MAGI2: variants seen among roughly 807,000 people sequenced by gnomAD.
MAGI2 encodes membrane-associated guanylate kinase, WW and PDZ domain-containing protein 2.
In MAGI2, 35 loss-of-function variants were observed where a neutral mutation model predicts 133.3. That is an observed-to-expected ratio of 0.26 (90% CI 0.20 to 0.35). The LOEUF (loss-of-function observed/expected upper bound fraction) is 0.35, where lower values mean the gene tolerates loss of function less well. MAGI2 is among the 10% of genes least tolerant of loss of function. MAGI2 has a pLI of 1.00. For missense variants in MAGI2, 1,636 were observed against 1,863.4 expected (o/e 0.88, Z 2.25); for synonymous variants, 729 against 710.6 (o/e 1.03, Z -0.41).
chr7:78,046,233 T>TAAAAAA (rs59275049), intron 21 of MAGI2, among the ~76,000 whole-genome samples: 1 of 117,780 alleles, frequency 8.5e-6, no homozygotes. Context: ...CTGTCTCTAC[T>TAAAAAA]AAAAAAAAAA....
intron 2 of MAGI2, among the ~76,000 whole-genome samples, chr7:78,924,585 G>C (rs570257264): frequency 1.3e-5 from 2 of 152,098 alleles, no homozygotes; most frequent in Non-Finnish European, 1.5e-5. Context: ...TGTGCTGCTG[G>C]ATTCAGTTTG....
chr7:78,436,475 T>A (rs916368319), intron 6 of MAGI2, among the ~76,000 whole-genome samples: 3 of 152,170 alleles, frequency 2.0e-5, no homozygotes, highest in African/African-American at 7.2e-5. Context: ...CTGAGAAGTT[T>A]ATGCATTTGA....
chr7:78,205,607 T>C (rs1829659597), intron 10 of MAGI2, among the ~76,000 whole-genome samples: 1 of 152,260 alleles, frequency 6.6e-6, no homozygotes, highest in East Asian at 1.9e-4. Flanking sequence ...TATTTGATAC[T>C]TCTGGAACCT....
At chr7:78,401,677 CCTT>C (rs1236489414) in intron 6 of MAGI2, among the ~76,000 whole-genome samples, 10 of 152,046 alleles carry the variant, frequency 6.6e-5, no homozygotes, top group African/African-American at 2.2e-4. Flanking sequence ...AGTTCCTTCT[CCTT>C]CTTTTAATGG....
chr7:79,170,940 A>T (rs1825477431), intron 1 of MAGI2, among the ~76,000 whole-genome samples: 1 of 152,168 alleles, frequency 6.6e-6, no homozygotes, highest in Admixed American at 6.6e-5. Flanking sequence ...TGATTTTACA[A>T]AACAGTTACC....
intron 2 of MAGI2, among the ~76,000 whole-genome samples, chr7:78,721,642 T>C (rs1464993772): frequency 6.6e-6 from 1 of 151,980 alleles, no homozygotes; most frequent in Non-Finnish European, 1.5e-5. Flanking sequence ...TTGTGAGAAA[T>C]CTGCAAAGAA....
chr7:78,688,709 T>C (rs1230865738), intron 2 of MAGI2, among the ~76,000 whole-genome samples: 3 of 152,098 alleles, frequency 2.0e-5, no homozygotes, highest in Non-Finnish European at 4.4e-5. Context: ...AAGTGAGAGG[T>C]GAAGAAACAC....
At chr7:78,316,573 A>G (rs1787427804) in intron 9 of MAGI2, among the ~76,000 whole-genome samples, 1 of 152,240 alleles carries the variant, frequency 6.6e-6, no homozygotes, top group African/African-American at 2.4e-5. Context: ...GCAGTCTTAC[A>G]GAATCCACCT....
chr7:78,742,097 T>A (rs1025441538), intron 2 of MAGI2, among the ~76,000 whole-genome samples: 2 of 151,782 alleles, frequency 1.3e-5, no homozygotes, highest in Admixed American at 1.3e-4. Context: ...AAATTGGAAC[T>A]TTTTTTTATG....
intron 6 of MAGI2, among the ~76,000 whole-genome samples, chr7:78,399,030 A>G (rs985264578): frequency 1.3e-5 from 2 of 152,200 alleles, no homozygotes; most frequent in African/African-American, 4.8e-5. Context: ...AATAAGTAAA[A>G]TGCTTTTCTT....
At chr7:78,314,505 T>C (rs556801591) in intron 9 of MAGI2, among the ~76,000 whole-genome samples, 1 of 152,304 alleles carries the variant, frequency 6.6e-6, no homozygotes, top group African/African-American at 2.4e-5. Context: ...ACTTCACTTA[T>C]AATACAAACT....
chr7:78,437,309 C>T (rs1195759567), intron 6 of MAGI2, among the ~76,000 whole-genome samples: 3 of 152,134 alleles, frequency 2.0e-5, no homozygotes, highest in Non-Finnish European at 4.4e-5. Context: ...AGGTCTTGTT[C>T]TTTCTACTTT....
At chr7:78,699,558 C>G (rs1435471419) in intron 2 of MAGI2, among the ~76,000 whole-genome samples, 1 of 152,120 alleles carries the variant, frequency 6.6e-6, no homozygotes, top group Non-Finnish European at 1.5e-5. Flanking sequence ...TTCTAAAATA[C>G]AAAAAATTCC....
chr7:78,315,456 T>C, intron 9 of MAGI2, among the ~76,000 whole-genome samples: 1 of 152,304 alleles, frequency 6.6e-6, no homozygotes, highest in Non-Finnish European at 1.5e-5. Context: ...AGTCATGCTA[T>C]TCACATTGAG....
At chr7:78,044,707 A>ATGTG (rs56731310) in intron 21 of MAGI2, among the ~76,000 whole-genome samples, 3,945 of 131,150 alleles carry the variant, frequency 0.03, 66 homozygotes, top group Middle Eastern at 0.062. Flanking sequence ...GTGTGTGTGC[A>ATGTG]CGTGTGCACA....
At chr7:78,107,076 A>G (rs1417553289) in intron 20 of MAGI2, among the ~76,000 whole-genome samples, 1 of 152,206 alleles carries the variant, frequency 6.6e-6, no homozygotes, top group East Asian at 1.9e-4. Flanking sequence ...CTGCATATGG[A>G]TATCCAGTTT....
chr7:78,521,734 T>C (rs1475293506), intron 3 of MAGI2, 89 bp from the exon 4 acceptor site: 1 of 1,017,878 alleles, frequency 9.8e-7, no homozygotes, highest in African/African-American at 1.6e-5. Flanking sequence ...ATTAACACAT[T>C]TTTATCCTAT....
chr7:79,245,636 C>T (rs1832764655), intron 1 of MAGI2, among the ~76,000 whole-genome samples: 1 of 152,132 alleles, frequency 6.6e-6, no homozygotes, highest in Admixed American at 6.5e-5. Context: ...CAAGTAGCTT[C>T]CTAAGGTTTC....
chr7:78,576,191 GCTTTT>G (rs1371480097), intron 3 of MAGI2, among the ~76,000 whole-genome samples: 1 of 151,260 alleles, frequency 6.6e-6, no homozygotes, highest in Non-Finnish European at 1.5e-5. Flanking sequence ...TCTCTATAAT[GCTTTT>G]TTTTTTTCTT....
Sources: allele counts gnomAD v4.1 joint callset (sites outside exome capture counted in the v4.1 genomes callset), GRCh38; gene constraint gnomAD v4.1.1; transcripts MANE v1.5; gene names NCBI Gene and HGNC (gene_info 2026-07-23, HGNC 2026-07-21).